The following MGAT4C variants were observed in gnomAD, a reference collection of about 807,000 sequenced individuals.
The protein encoded by MGAT4C is alpha-1,3-mannosyl-glycoprotein 4-beta-N-acetylglucosaminyltransferase C.
MGAT4C carries 19 observed loss-of-function variants against 40.1 expected under a neutral mutation model. That is an observed-to-expected ratio of 0.47 (90% CI 0.33 to 0.70). The LOEUF is 0.70. Ranked by LOEUF, MGAT4C falls within the 30% of genes least tolerant of loss-of-function variation. MGAT4C has a pLI of 0.02. For missense variants in MGAT4C, 491 were observed against 563.2 expected (o/e 0.87, Z 1.30); for synonymous variants, 181 against 187.1 (o/e 0.97, Z 0.27).
At chr12:86,236,353 G>T (rs879712845) in intron 1 of MGAT4C, among the ~76,000 whole-genome samples, 1 of 151,962 alleles carries the variant, frequency 6.6e-6, no homozygotes, top group Middle Eastern at 3.2e-3. Flanking sequence ...CTCCGCAAAA[G>T]ATATTGCATT....
At chr12:86,725,243 A>C (rs1950801676) in intron 2 of MGAT4C, among the ~76,000 whole-genome samples, 1 of 152,188 alleles carries the variant, frequency 6.6e-6, no homozygotes, top group African/African-American at 2.4e-5. Context: ...CCTATTTTTT[A>C]ATGACCAGGG....
chr12:86,779,404 G>A (rs1465351699), intron 1 of MGAT4C, among the ~76,000 whole-genome samples: 3 of 151,756 alleles, frequency 2.0e-5, no homozygotes, highest in Non-Finnish European at 2.9e-5. Context: ...AGACCAGCCT[G>A]AGCAGCATAG....
chr12:86,366,633 C>T (rs532207813), intron 3 of MGAT4C, among the ~76,000 whole-genome samples: 10 of 152,174 alleles, frequency 6.6e-5, no homozygotes, highest in South Asian at 2.1e-4. Flanking sequence ...GCTCACTACC[C>T]GGATGACGAA....
intron 3 of MGAT4C, chr12:86,435,124 C>A (rs1441253010): frequency 6.6e-6 from 1 of 151,930 alleles, no homozygotes; most frequent in Non-Finnish European, 1.5e-5. Context: ...ATCAAACTCT[C>A]ACCATAGCAA....
intron 2 of MGAT4C, chr12:86,011,804 C>T (rs535690056): frequency 1.0e-6 from 1 of 983,218 alleles, no homozygotes; most frequent in East Asian, 1.1e-4. Context: ...ACTCACCATC[C>T]TTTACCAGCT....
intron 1 of MGAT4C, among the ~76,000 whole-genome samples, chr12:86,050,553 T>C (rs1892803363): frequency 6.6e-6 from 1 of 152,028 alleles, no homozygotes; most frequent in Non-Finnish European, 1.5e-5. Flanking sequence ...TATGTTGTTT[T>C]TCAAAGTTTG....
intron 1 of MGAT4C, among the ~76,000 whole-genome samples, chr12:86,774,281 C>CTTTCTTTCTTTCTTCCTT (rs1951692302): frequency 3.4e-5 from 2 of 58,934 alleles, no homozygotes; most frequent in African/African-American, 1.3e-4. Context: ...CTAAGGCTTG[C>CTTTCTTTCTTTCTTCCTT]TCTTTCTTTC....
intron 4 of MGAT4C, among the ~76,000 whole-genome samples, chr12:86,286,010 G>C (rs1466504138): frequency 6.6e-6 from 1 of 151,892 alleles, no homozygotes; most frequent in Non-Finnish European, 1.5e-5. Context: ...TTTATTTTAA[G>C]GGTGATAAAG....
intron 2 of MGAT4C, among the ~76,000 whole-genome samples, chr12:86,713,220 G>A (rs900787441): frequency 6.6e-6 from 1 of 152,004 alleles, no homozygotes; most frequent in Non-Finnish European, 1.5e-5. Context: ...TGGTTTACAT[G>A]TTGTTTTTTA....
intron 1 of MGAT4C, among the ~76,000 whole-genome samples, chr12:86,794,192 C>G (rs1450457505): frequency 6.6e-6 from 1 of 151,512 alleles, no homozygotes; most frequent in East Asian, 1.9e-4. Flanking sequence ...ATTCAGACAT[C>G]AAAACATTTT....
At chr12:86,468,538 TG>T (rs1280330541) in intron 2 of MGAT4C, among the ~76,000 whole-genome samples, 1 of 152,152 alleles carries the variant, frequency 6.6e-6, no homozygotes, top group Non-Finnish European at 1.5e-5. Flanking sequence ...AAATATAAGT[TG>T]GATTATATAA....
At chr12:86,082,009 C>A (rs1238831703) in intron 1 of MGAT4C, among the ~76,000 whole-genome samples, 1 of 152,142 alleles carries the variant, frequency 6.6e-6, no homozygotes, top group African/African-American at 2.4e-5. Flanking sequence ...TCTAGGGACC[C>A]CTTGCCCAGT....
At chr12:86,543,656 G>A (rs1281228888) in intron 2 of MGAT4C, among the ~76,000 whole-genome samples, 1 of 152,098 alleles carries the variant, frequency 6.6e-6, no homozygotes, top group African/African-American at 2.4e-5. Flanking sequence ...CAGCATTTCT[G>A]TAGGGAAACA....
intron 1 of MGAT4C, among the ~76,000 whole-genome samples, chr12:86,794,613 A>C (rs905357427): frequency 3.9e-5 from 6 of 151,906 alleles, no homozygotes; most frequent in African/African-American, 1.4e-4. Context: ...AATATAAAGC[A>C]GCACAAAGAG....
chr12:86,190,817 A>C (rs962518064), intron 1 of MGAT4C, among the ~76,000 whole-genome samples: 1 of 152,082 alleles, frequency 6.6e-6, no homozygotes, highest in African/African-American at 2.4e-5. Flanking sequence ...ATTTATTTTA[A>C]GTTGATTTAA....
chr12:86,328,651 AATAAT>A (rs1470954976), intron 4 of MGAT4C, among the ~76,000 whole-genome samples: 1 of 152,156 alleles, frequency 6.6e-6, no homozygotes, highest in African/African-American at 2.4e-5. Flanking sequence ...TTCAACGAGA[AATAAT>A]ATAAGACAAA....
intron 1 of MGAT4C, among the ~76,000 whole-genome samples, chr12:86,136,259 AAC>A (rs1332667794): frequency 6.6e-6 from 1 of 152,180 alleles, no homozygotes; most frequent in African/African-American, 2.4e-5. Flanking sequence ...TGGTGGGAAA[AAC>A]AAAATGAAAC....
In MGAT4C at chr12:85,968,659, T is replaced by C. The variant is rs912056700; in HGVS notation, c.*10630A>G. The C allele has an allele frequency of 6.6e-6, 1 of 151,906 alleles. No homozygotes were observed. Among genetic ancestry groups the C allele is most frequent in the Non-Finnish European group, 1.5e-5 (1 of 67,850 alleles). The allele number at this position is 151,906 out of a possible 1,614,324, so 9.4% of individuals were successfully genotyped here. On this transcript the variant is annotated 3_prime_UTR_variant, in exon 5 of 5. Coordinates refer to ENST00000611864, the MANE Select transcript of MGAT4C (RefSeq NM_001351288.2). ...TTGGAATTTTACTGTGGTACAGTCTTAGTTGCTCCGTGGTTGTCAAATCTG... is the reference window on the plus strand; with the variant it reads ...TTGGAATTTTACTGTGGTACAGTCTCAGTTGCTCCGTGGTTGTCAAATCTG...
intron 1 of MGAT4C, among the ~76,000 whole-genome samples, chr12:86,739,053 T>G (rs1276604077): frequency 6.7e-6 from 1 of 148,924 alleles, no homozygotes; most frequent in Non-Finnish European, 1.5e-5. Context: ...TTTTATTTAT[T>G]ATTGTCATTC....
Sources: allele counts gnomAD v4.1 joint callset (sites outside exome capture counted in the v4.1 genomes callset), GRCh38; gene constraint gnomAD v4.1.1; transcripts MANE v1.5; gene names NCBI Gene and HGNC (gene_info 2026-07-23, HGNC 2026-07-21).